HERPUD2: variants seen among roughly 807,000 people sequenced by gnomAD.
HERPUD2 encodes the protein HERPUD family member 2, also known as homocysteine-responsive endoplasmic reticulum-resident ubiquitin-like domain member 2 protein.
A neutral mutation model predicts 49.9 loss-of-function variants in HERPUD2; 13 were observed. The observed-to-expected ratio is 0.26, with a 90% CI of 0.17 to 0.41. HERPUD2 has a LOEUF of 0.41. Ranked by LOEUF, HERPUD2 falls within the 10% of genes least tolerant of loss-of-function variation. The pLI, the probability that HERPUD2 is intolerant of heterozygous loss-of-function variation, is 1.00. For synonymous variants in HERPUD2, 172 were observed against 171.4 expected, an observed-to-expected ratio of 1.00 and a Z score of -0.03; for missense variants, 449 against 492.2, an observed-to-expected ratio of 0.91 and a Z score of 0.83.
chr7:35,640,744 G>A (rs140216198), intron 5 of HERPUD2, among the ~76,000 whole-genome samples: 2 of 152,158 alleles, frequency 1.3e-5, no homozygotes, highest in African/African-American at 4.8e-5. Context: ...AAATATATAG[G>A]AATAGATACA....
At chr7:35,637,901 G>C (rs1454088679) in intron 6 of HERPUD2, among the ~76,000 whole-genome samples, 1 of 152,146 alleles carries the variant, frequency 6.6e-6, no homozygotes, top group African/African-American at 2.4e-5. Flanking sequence ...GGAGAATGAA[G>C]GCTGAGAAAG....
intron 2 of HERPUD2, among the ~76,000 whole-genome samples, chr7:35,679,369 A>AT (rs1231858950): frequency 6.6e-6 from 1 of 152,190 alleles, no homozygotes; most frequent in Non-Finnish European, 1.5e-5. Context: ...GAGACTGGTA[A>AT]TCCCTTATCT....
At chr7:35,680,222 C>G (rs891569827) in intron 2 of HERPUD2, among the ~76,000 whole-genome samples, 6 of 151,946 alleles carry the variant, frequency 3.9e-5, no homozygotes, top group Non-Finnish European at 8.8e-5. Context: ...GCCTGGGCAA[C>G]ATAGCAAGAC....
At chr7:35,657,248 T>C (rs926028052) in intron 5 of HERPUD2, among the ~76,000 whole-genome samples, 1 of 151,750 alleles carries the variant, frequency 6.6e-6, no homozygotes, top group Non-Finnish European at 1.5e-5. Context: ...GGCAAACAGG[T>C]ATATGAAAAA....
intron 5 of HERPUD2, among the ~76,000 whole-genome samples, chr7:35,654,121 G>A (rs1259418298): frequency 6.6e-6 from 1 of 151,852 alleles, no homozygotes; most frequent in African/African-American, 2.4e-5. Context: ...AAAAAAGTAG[G>A]AAGATTTTAA....
chr7:35,656,224 T>C (rs533689607), intron 5 of HERPUD2, among the ~76,000 whole-genome samples: 3 of 151,410 alleles, frequency 2.0e-5, no homozygotes, highest in Admixed American at 6.6e-5. Flanking sequence ...CCCCTTACAA[T>C]AGCTACAAAA....
chr7:35,651,134 T>C (rs1426276779), intron 5 of HERPUD2, among the ~76,000 whole-genome samples: 1 of 152,156 alleles, frequency 6.6e-6, no homozygotes, highest in Non-Finnish European at 1.5e-5. Flanking sequence ...ACAGACTGCT[T>C]GGGAGCCAGA....
chr7:35,633,653 A>G lies in HERPUD2; in HGVS notation c.*37T>C. 6.3e-7 allele frequency: 1 copy of G among 1,593,310 alleles called. No homozygotes were observed. Among genetic ancestry groups the G allele is most frequent in the Non-Finnish European group, 8.5e-7 (1 of 1,169,982 alleles). ...ACTGTTATTTAAACCACTTTCCTGA[A>G]GTCAGACCCTCCTTGTAGCTGGCAC... On this transcript the variant is annotated 3_prime_UTR_variant, in exon 9 of 9. Transcript: ENST00000311350.
At chr7:35,677,814 G>A (rs1785798224) in intron 2 of HERPUD2, among the ~76,000 whole-genome samples, 1 of 152,180 alleles carries the variant, frequency 6.6e-6, no homozygotes, top group Non-Finnish European at 1.5e-5. Flanking sequence ...GCTAATAAGG[G>A]ATGGGGGTCT....
intron 3 of HERPUD2, 30 bp from the exon 4 acceptor site, chr7:35,670,358 G>T: frequency 9.4e-7 from 1 of 1,068,832 alleles, no homozygotes; most frequent in Non-Finnish European, 1.3e-6. Flanking sequence ...CATTTAAAGG[G>T]TAGTACTACA....
At chr7:35,689,041 T>C (rs1385261193) in intron 2 of HERPUD2, among the ~76,000 whole-genome samples, 3 of 152,168 alleles carry the variant, frequency 2.0e-5, no homozygotes, top group Non-Finnish European at 2.9e-5. Context: ...GTCAGAGCAG[T>C]TAAATAAAAG....
chr7:35,634,446 A>G lies in HERPUD2; in HGVS notation c.942-17T>C. On this transcript the variant is annotated splice_polypyrimidine_tract_variant and intron_variant, in intron 7 of 8. Coordinates refer to ENST00000311350, the MANE Select transcript of HERPUD2 (RefSeq NM_022373.5). ...GCTTGGTGTCTGTTCAGTAAAATAAAGAGAAAATAAAATAAGTCACAGTTG... is the reference window on the plus strand; with the variant it reads ...GCTTGGTGTCTGTTCAGTAAAATAAGGAGAAAATAAAATAAGTCACAGTTG... 6.7e-7 allele frequency: 1 copy of G among 1,484,206 alleles called. No homozygotes were observed. The allele number at this position is 1,484,206 out of a possible 1,614,324, so 91.9% of individuals were successfully genotyped here. A position where few individuals can be genotyped will look rare whatever the true frequency, so the allele number is the denominator to read the frequency against.
intron 2 of HERPUD2, among the ~76,000 whole-genome samples, chr7:35,686,708 C>G (rs56322298): frequency 0.39 from 18,130 of 46,834 alleles, 3,983 homozygotes; most frequent in South Asian, 0.58. Flanking sequence ...GACAGAACGA[C>G]ACTCCGTCTC....
At chr7:35,691,047 T>G (rs999161422) in intron 2 of HERPUD2, among the ~76,000 whole-genome samples, 6 of 152,220 alleles carry the variant, frequency 3.9e-5, no homozygotes, top group African/African-American at 1.4e-4. Context: ...CTTATTTACT[T>G]ACATGTCACT....
chr7:35,656,098 G>T (rs1785269356), intron 5 of HERPUD2, among the ~76,000 whole-genome samples: 1 of 152,090 alleles, frequency 6.6e-6, no homozygotes, highest in Non-Finnish European at 1.5e-5. Flanking sequence ...AGAGACAGAG[G>T]TTGCAGTAAG....
intron 2 of HERPUD2, among the ~76,000 whole-genome samples, chr7:35,674,416 GA>G (rs1397470799): frequency 1.3e-4 from 4 of 30,812 alleles, no homozygotes; most frequent in Non-Finnish European, 2.3e-4. Flanking sequence ...GAGAGAGAGA[GA>G]GAGAGAGAGA....
intron 5 of HERPUD2, among the ~76,000 whole-genome samples, chr7:35,666,556 A>G (rs1342421532): frequency 6.6e-6 from 1 of 152,192 alleles, no homozygotes; most frequent in Non-Finnish European, 1.5e-5. Context: ...CTGCAGCCCC[A>G]TGGCTTGATA....
chr7:35,641,375 T>C (rs1784965285), intron 5 of HERPUD2, among the ~76,000 whole-genome samples: 2 of 152,200 alleles, frequency 1.3e-5, no homozygotes, highest in Admixed American at 1.3e-4. Flanking sequence ...GAAGAATCAA[T>C]ATCATTAAAA....
chr7:35,686,000 T>C (rs2116037159), intron 2 of HERPUD2, among the ~76,000 whole-genome samples: 1 of 147,266 alleles, frequency 6.8e-6, no homozygotes, highest in South Asian at 2.1e-4. Context: ...AACTTAAATA[T>C]CAGGAAAATC....
Sources: allele counts gnomAD v4.1 joint callset (sites outside exome capture counted in the v4.1 genomes callset), GRCh38; gene constraint gnomAD v4.1.1; transcripts MANE v1.5; gene names NCBI Gene and HGNC (gene_info 2026-07-23, HGNC 2026-07-21).